Variants in DPF3 observed in about 807,000 individuals in gnomAD.
DPF3 encodes the protein double PHD fingers 3.
In DPF3, 18 loss-of-function variants were observed where a neutral mutation model predicts 56.8. The observed-to-expected ratio is 0.32, with a 90% CI of 0.22 to 0.47. The LOEUF (loss-of-function observed/expected upper bound fraction) is 0.47, where lower values mean the gene tolerates loss of function less well. DPF3 is among the 20% of genes least tolerant of loss of function. The probability of loss-of-function intolerance (pLI) is 1.00; values close to 1 mark genes in which losing one functional copy is unlikely to be tolerated. For missense variants in DPF3, 403 were observed against 488.8 expected, an observed-to-expected ratio of 0.82 and a Z score of 1.65; for synonymous variants, 188 against 180.2, an observed-to-expected ratio of 1.04 and a Z score of -0.35.
intron 3 of DPF3, among the ~76,000 whole-genome samples, 194 bp from the exon 4 acceptor site, chr14:72,732,128 C>T (rs994565056): frequency 6.6e-6 from 1 of 152,186 alleles, no homozygotes; most frequent in Non-Finnish European, 1.5e-5. Flanking sequence ...GAGACAGATT[C>T]CGACCATGCC....
At chr14:72,662,682 G>A in intron 8 of DPF3, 25 of 986,396 alleles carry the variant, frequency 2.5e-5, no homozygotes, top group Non-Finnish European at 2.9e-5. Context: ...TGGCTCCTGT[G>A]TTGTCTGAAA....
rs561534633 is a variant in DPF3 at position 72,786,033 on chromosome 14, G to A, written c.33-14140C>T. On this transcript the variant is annotated intron_variant, in intron 1 of 10. Coordinates refer to ENST00000556509, the MANE Select transcript of DPF3 (RefSeq NM_001280542.3). ...TGCCAACATTTTGGGAAGCCGAGGC[G>A]GGTGGATCACCTGAGGTCAGGAGTT... 2.0e-4 allele frequency among the ~76,000 whole-genome samples: 30 copies of A among 152,246 alleles called. No individual in the cohort carries two copies. In the South Asian group the frequency reaches 4.8e-3, roughly 24 times the overall value.
At chr14:72,852,116 T>A (rs1256123594) in intron 1 of DPF3, among the ~76,000 whole-genome samples, 1 of 152,206 alleles carries the variant, frequency 6.6e-6, no homozygotes, top group African/African-American at 2.4e-5. Context: ...TCAGCCCCAG[T>A]TCTGGTTCTC....
Position 72,621,011 on chromosome 14 carries a change from T to C in DPF3, c.985-1027A>G, listed in dbSNP as rs1014903083. Among the ~76,000 whole-genome samples the C allele has an allele frequency of 7.9e-5, 12 of 152,084 alleles. No homozygotes were observed. The East Asian group carries it at 2.3e-3, about 30-fold the overall frequency. On this transcript the variant is annotated intron_variant, in intron 9 of 10. Transcript: ENST00000556509. ...CAAAAATTAGCCAGGCATGGTGGCG[T>C]GCACCTGTAATCCCAGCTACTCAGG... is the stretch of plus-strand genomic sequence containing the variant.
intron 8 of DPF3, among the ~76,000 whole-genome samples, chr14:72,652,231 T>C (rs1567190038): frequency 1.3e-5 from 2 of 152,156 alleles, no homozygotes; most frequent in Admixed American, 6.5e-5. Flanking sequence ...GGGAAAGTCT[T>C]TCCCAGTGAG....
At chr14:72,688,491 G>A (rs1174637038) in intron 7 of DPF3, among the ~76,000 whole-genome samples, 1 of 152,050 alleles carries the variant, frequency 6.6e-6, no homozygotes, top group Non-Finnish European at 1.5e-5. Context: ...TGCAGAGAAG[G>A]TAAAAAGAAG....
chr14:72,818,246 A>G (rs1883375110), intron 1 of DPF3, among the ~76,000 whole-genome samples: 1 of 152,296 alleles, frequency 6.6e-6, no homozygotes, highest in African/African-American at 2.4e-5. Flanking sequence ...GCCTCAAAAA[A>G]AAAAACAAAC....
chr14:72,762,265 A>C (rs908204394), intron 2 of DPF3, among the ~76,000 whole-genome samples: 49 of 151,850 alleles, frequency 3.2e-4, no homozygotes, highest in Admixed American at 1.0e-3. Flanking sequence ...TATCTCTCAT[A>C]AACATAGATG....
At chr14:72,741,463 C>G (rs568564227) in intron 3 of DPF3, among the ~76,000 whole-genome samples, 29 of 152,190 alleles carry the variant, frequency 1.9e-4, no homozygotes, top group Non-Finnish European at 3.7e-4. Context: ...CAGGGAAGGC[C>G]CCTACAACCC....
At chr14:72,844,393 G>A (rs1244602040) in intron 1 of DPF3, among the ~76,000 whole-genome samples, 1 of 152,104 alleles carries the variant, frequency 6.6e-6, no homozygotes, top group Non-Finnish European at 1.5e-5. Context: ...TTGATTGGAG[G>A]GGGGAAAATT....
chr14:72,691,276 C>T (rs1213947045), intron 7 of DPF3, among the ~76,000 whole-genome samples: 1 of 152,204 alleles, frequency 6.6e-6, no homozygotes, highest in African/African-American at 2.4e-5. Flanking sequence ...TGCATCCCCT[C>T]CCCACTCCCA....
At chr14:72,843,723 G>A (rs977598848) in intron 1 of DPF3, among the ~76,000 whole-genome samples, 4 of 152,062 alleles carry the variant, frequency 2.6e-5, no homozygotes, top group Non-Finnish European at 5.9e-5. Context: ...TTTATTTTTA[G>A]TAGAGATGGG....
intron 1 of DPF3, among the ~76,000 whole-genome samples, chr14:72,883,066 C>T (rs999166452): frequency 2.6e-5 from 4 of 152,136 alleles, no homozygotes; most frequent in Non-Finnish European, 5.9e-5. Context: ...AGAGAGTTCT[C>T]GTTGTGCTCA....
intron 10 of DPF3, 61 bp from the exon 11 acceptor site, chr14:72,619,428 C>CT (rs1884283561): frequency 2.1e-5 from 32 of 1,499,670 alleles, no homozygotes; most frequent in Non-Finnish European, 2.9e-5. Flanking sequence ...CCCCACCCCA[C>CT]TGGCCCTAAC....
intron 3 of DPF3, among the ~76,000 whole-genome samples, chr14:72,750,814 A>C (rs1374034768): frequency 6.6e-6 from 1 of 151,108 alleles, no homozygotes; most frequent in African/African-American, 2.4e-5. Flanking sequence ...AAAAAAAAAA[A>C]AAACCTGCTA....
intron 6 of DPF3, among the ~76,000 whole-genome samples, chr14:72,699,517 CAAAAAA>C (rs35540991): frequency 2.4e-4 from 15 of 61,606 alleles, no homozygotes; most frequent in African/African-American, 6.9e-4. Context: ...GATTCTGTCT[CAAAAAA>C]AAAAAAAAAA....
chr14:72,688,934 G>C (rs1191925123), intron 7 of DPF3, among the ~76,000 whole-genome samples: 1 of 152,178 alleles, frequency 6.6e-6, no homozygotes, highest in Non-Finnish European at 1.5e-5. Flanking sequence ...GAGGCAGAGA[G>C]GCAAGGGCAC....
In DPF3 at chr14:72,868,636, AC is replaced by A. The variant is rs1438809529; in HGVS notation, c.32+25420del. On this transcript the variant is annotated intron_variant, in intron 1 of 10. Transcript: ENST00000556509. ...CCAAAGGAAAAGCAGAGGGAGGCAA[AC>A]TGCTCAGTGCTACCTGGGAGGAAAA... Among the ~76,000 whole-genome samples the A allele has an allele frequency of 2.0e-5, 3 of 152,252 alleles. No homozygotes were observed. The East Asian group carries it at 5.8e-4, about 29-fold the overall frequency.
At chr14:72,863,727 A>C (rs1034063867) in intron 1 of DPF3, among the ~76,000 whole-genome samples, 1 of 152,200 alleles carries the variant, frequency 6.6e-6, no homozygotes, top group Non-Finnish European at 1.5e-5. Context: ...GCTAAGGCTC[A>C]ATTCCTTTAC....
Sources: gnomAD v4.1 joint callset for allele counts (sites outside exome capture counted in the v4.1 genomes callset) on GRCh38, gnomAD v4.1.1 for gene constraint, MANE v1.5 for transcripts, NCBI Gene and HGNC (gene_info 2026-07-23, HGNC 2026-07-21) for gene names.